The following GSTCD variants were observed in gnomAD, a reference collection of about 807,000 sequenced individuals.
GSTCD encodes glutathione S-transferase C-terminal domain-containing protein.
In GSTCD, 44 loss-of-function variants were observed where a neutral mutation model predicts 68.3. The observed-to-expected ratio is 0.64, with a 90% CI of 0.51 to 0.83. The LOEUF (loss-of-function observed/expected upper bound fraction) is 0.83, where lower values mean the gene tolerates loss of function less well. GSTCD is among the 40% of genes least tolerant of loss of function. The pLI is 0.00. For missense variants in GSTCD, 739 were observed against 735.9 expected (o/e 1.00, Z -0.05); for synonymous variants, 273 against 255.2 (o/e 1.07, Z -0.67).
intron 5 of GSTCD, among the ~76,000 whole-genome samples, chr4:105,730,522 T>C (rs1047623579): frequency 3.9e-5 from 6 of 152,250 alleles, no homozygotes; most frequent in Admixed American, 1.3e-4. Context: ...CATGTGTCTT[T>C]GGCTGCATAA....
intron 5 of GSTCD, among the ~76,000 whole-genome samples, chr4:105,736,716 T>C (rs1224890948): frequency 6.6e-6 from 1 of 152,176 alleles, no homozygotes; most frequent in African/African-American, 2.4e-5. Flanking sequence ...TAATTTTATA[T>C]CCATTAACCA....
In GSTCD at chr4:105,846,488, A is replaced by C. The variant is rs1724551686; in HGVS notation, c.*911A>C. 6.6e-6 allele frequency: 1 copy of C among 152,208 alleles called. No homozygotes were observed. The highest frequency in any genetic ancestry group is 1.9e-4 in the East Asian group (1 of 5,198). 9.4% of individuals were successfully genotyped at this position (152,208 alleles called of 1,614,324 possible). Reference sequence around the variant, plus strand: ...TTACGGGAATGTGGAATTTGGACATACATTTTAACAATAAGTACATTGATT... The same window carrying C: ...TTACGGGAATGTGGAATTTGGACATCCATTTTAACAATAAGTACATTGATT... On this transcript the variant is annotated 3_prime_UTR_variant, in exon 12 of 12. Transcript: ENST00000515279.
At chr4:105,831,677 A>G (rs1245323061) in intron 8 of GSTCD, among the ~76,000 whole-genome samples, 3 of 151,984 alleles carry the variant, frequency 2.0e-5, no homozygotes, top group Admixed American at 2.0e-4. Flanking sequence ...ATATATTAAG[A>G]ATATAAGCCT....
chr4:105,755,272 GGA>G (rs1303013323), intron 5 of GSTCD, among the ~76,000 whole-genome samples: 6 of 151,008 alleles, frequency 4.0e-5, no homozygotes, highest in Non-Finnish European at 7.4e-5. Context: ...TAGGAAGGAA[GGA>G]GAGAGGGCAA....
At chr4:105,740,929 G>T (rs1733613055) in intron 5 of GSTCD, among the ~76,000 whole-genome samples, 1 of 149,458 alleles carries the variant, frequency 6.7e-6, no homozygotes, top group African/African-American at 2.5e-5. Flanking sequence ...CATTCTTAAG[G>T]CCCTATAAAT....
At chr4:105,733,259 C>T (rs887543038) in intron 5 of GSTCD, among the ~76,000 whole-genome samples, 2 of 152,100 alleles carry the variant, frequency 1.3e-5, no homozygotes, top group Non-Finnish European at 2.9e-5. Flanking sequence ...CTTTCTCTCT[C>T]GTTGATCTGT....
intron 5 of GSTCD, among the ~76,000 whole-genome samples, chr4:105,747,717 A>T (rs1733852533): frequency 6.6e-6 from 1 of 152,204 alleles, no homozygotes; most frequent in Non-Finnish European, 1.5e-5. Flanking sequence ...AAGTGAAAGT[A>T]TCCTGATAAT....
chr4:105,716,966 G>A (rs1277879108), intron 1 of GSTCD, among the ~76,000 whole-genome samples: 1 of 152,128 alleles, frequency 6.6e-6, no homozygotes, highest in Non-Finnish European at 1.5e-5. Context: ...CCTGAGATGG[G>A]AAGACACATA....
chr4:105,747,149 G>T (rs78051317), intron 5 of GSTCD, among the ~76,000 whole-genome samples: 1,798 of 152,304 alleles, frequency 0.012, 36 homozygotes, highest in African/African-American at 0.041. Flanking sequence ...TGCTATTCTT[G>T]CCAGAAGGCA....
Position 105,712,027 on chromosome 4 carries a change from A to G in GSTCD, c.-22+3011A>G, listed in dbSNP as rs188681465. Among the ~76,000 whole-genome samples, 607 of 152,384 alleles carry G rather than the reference A, an allele frequency of 4.0e-3. 5 individuals carry two copies. Among genetic ancestry groups the G allele is most frequent in the African/African-American group, 0.014 (570 of 41,592 alleles). On this transcript the variant is annotated intron_variant, in intron 1 of 11. Coordinates refer to ENST00000515279, the MANE Select transcript of GSTCD (RefSeq NM_001370181.1). ...ATAGAGTTATTAATTTGGAAAAGAA[A>G]GAATGGTGTCATGAAGAATGAGATA...
intron 5 of GSTCD, among the ~76,000 whole-genome samples, chr4:105,752,935 T>C (rs1276277348): frequency 3.9e-5 from 6 of 152,108 alleles, no homozygotes; most frequent in African/African-American, 1.4e-4. Flanking sequence ...AATGTAGTTG[T>C]GTGGGGCCAT....
At chr4:105,834,646 C>A in intron 9 of GSTCD, 52 bp downstream of exon 9, 1 of 1,521,550 alleles carries the variant, frequency 6.6e-7, no homozygotes. Context: ...TAAGCCAGGA[C>A]ACAAAACTTG....
chr4:105,763,530 A>G (rs905099540), intron 5 of GSTCD, among the ~76,000 whole-genome samples: 1 of 152,232 alleles, frequency 6.6e-6, no homozygotes, highest in African/African-American at 2.4e-5. Flanking sequence ...ATTTAAAAGC[A>G]TAGCCTCTGG....
chr4:105,790,534 A>T (rs970338950), intron 5 of GSTCD, among the ~76,000 whole-genome samples: 3 of 152,068 alleles, frequency 2.0e-5, no homozygotes, highest in Non-Finnish European at 2.9e-5. Context: ...CCAGCTACTC[A>T]GGAGGCTGAG....
At chr4:105,729,543 C>T (rs1306512484) in intron 5 of GSTCD, 44 bp downstream of exon 5, 2 of 1,287,314 alleles carry the variant, frequency 1.6e-6, no homozygotes, top group Non-Finnish European at 2.2e-6. Flanking sequence ...ACTTTGGATA[C>T]TGTCTTCAGA....
At chr4:105,756,266 T>A (rs1405050737) in intron 5 of GSTCD, among the ~76,000 whole-genome samples, 1 of 152,048 alleles carries the variant, frequency 6.6e-6, no homozygotes, top group Non-Finnish European at 1.5e-5. Flanking sequence ...CACATAAACA[T>A]GATTGATTAT....
intron 3 of GSTCD, among the ~76,000 whole-genome samples, chr4:105,722,029 T>C (rs747455220): frequency 1.7e-4 from 26 of 152,150 alleles, no homozygotes; most frequent in Middle Eastern, 3.2e-3. Flanking sequence ...CAAGTACACT[T>C]TGACAGAAAT....
intron 5 of GSTCD, among the ~76,000 whole-genome samples, chr4:105,817,030 C>T (rs1264128160): frequency 6.6e-6 from 1 of 151,894 alleles, no homozygotes; most frequent in Non-Finnish European, 1.5e-5. Flanking sequence ...ATTTTAGGAA[C>T]TTCAATGAAA....
At chr4:105,791,908 A>G (rs921258058) in intron 5 of GSTCD, among the ~76,000 whole-genome samples, 1 of 152,172 alleles carries the variant, frequency 6.6e-6, no homozygotes, top group African/African-American at 2.4e-5. Flanking sequence ...CATTTATTAG[A>G]TAATTATGTC....
Sources: allele counts gnomAD v4.1 joint callset (sites outside exome capture counted in the v4.1 genomes callset), GRCh38; gene constraint gnomAD v4.1.1; transcripts MANE v1.5; gene names NCBI Gene and HGNC (gene_info 2026-07-23, HGNC 2026-07-21).